ADK: variants seen among roughly 807,000 people sequenced by gnomAD.
ADK encodes the protein N6,N6-dimethyladenosine kinase.
Under a neutral mutation model 44.7 loss-of-function variants are expected in ADK, and 24 were observed. That is an observed-to-expected ratio of 0.54 (90% CI 0.39 to 0.76). ADK has a LOEUF of 0.76. Among genes scored for constraint, ADK ranks in the 30% least tolerant of loss-of-function variants. The pLI is 0.00. For missense variants in ADK, 321 were observed against 425.1 expected, an observed-to-expected ratio of 0.76 and a Z score of 2.15; for synonymous variants, 128 against 142.6, an observed-to-expected ratio of 0.90 and a Z score of 0.73.
chr10:74,236,081 G>A (rs1263223462), intron 3 of ADK, among the ~76,000 whole-genome samples: 7 of 152,144 alleles, frequency 4.6e-5, no homozygotes, highest in African/African-American at 1.7e-4. Context: ...AAAAGCCGTA[G>A]CAATCAAACT....
At chr10:74,349,897 A>T (rs1441825457) in intron 4 of ADK, among the ~76,000 whole-genome samples, 1 of 152,226 alleles carries the variant, frequency 6.6e-6, no homozygotes, top group Non-Finnish European at 1.5e-5. Context: ...CTACAGGAGC[A>T]CCCAGATTCA....
At chr10:74,472,723 C>T (rs1432782643) in intron 6 of ADK, among the ~76,000 whole-genome samples, 1 of 152,098 alleles carries the variant, frequency 6.6e-6, no homozygotes, top group African/African-American at 2.4e-5. Flanking sequence ...CTCATATAGC[C>T]AAATAGGGGT....
At chr10:74,464,711 A>G (rs1413959327) in intron 6 of ADK, among the ~76,000 whole-genome samples, 1 of 152,192 alleles carries the variant, frequency 6.6e-6, no homozygotes, top group African/African-American at 2.4e-5. Flanking sequence ...GGCCAGGCAC[A>G]GTGGCTGATG....
In ADK at chr10:74,472,901, G is replaced by A. The variant is rs141719891; in HGVS notation, c.556-52355G>A. 2.2e-3 allele frequency among the ~76,000 whole-genome samples: 342 copies of A among 152,154 alleles called. 2 individuals carry two copies. The highest frequency in any genetic ancestry group is 0.012 in the South Asian group (60 of 4,820). On this transcript the variant is annotated intron_variant, in intron 6 of 10. Transcript: ENST00000539909. ...GCTATTTTTAGATGTCATAATTTTA[G>A]CCAATACTAATGGGTATTTATTGAT...
At chr10:74,707,536 G>T (rs1469661664) in intron 10 of ADK, among the ~76,000 whole-genome samples, 1 of 152,112 alleles carries the variant, frequency 6.6e-6, no homozygotes, top group African/African-American at 2.4e-5. Flanking sequence ...GCCAAGGCAG[G>T]CGGATCACCT....
At chr10:74,559,089 C>T (rs897782656) in intron 7 of ADK, among the ~76,000 whole-genome samples, 7 of 152,372 alleles carry the variant, frequency 4.6e-5, no homozygotes, top group Middle Eastern at 3.4e-3. Flanking sequence ...CTTCTTCCCT[C>T]TCAGGCCTGC....
chr10:74,563,337 C>T (rs974603445), intron 7 of ADK, among the ~76,000 whole-genome samples: 1 of 152,182 alleles, frequency 6.6e-6, no homozygotes, highest in Non-Finnish European at 1.5e-5. Context: ...GTGTTACTCA[C>T]CCATCTTACT....
intron 6 of ADK, among the ~76,000 whole-genome samples, chr10:74,469,553 G>A (rs1403369977): frequency 6.6e-6 from 1 of 151,984 alleles, no homozygotes; most frequent in Admixed American, 6.6e-5. Context: ...TTGTAGAGCT[G>A]GGGTTTTGCC....
intron 3 of ADK, among the ~76,000 whole-genome samples, chr10:74,262,533 T>A (rs569547331): frequency 2.0e-5 from 3 of 152,168 alleles, no homozygotes; most frequent in Non-Finnish European, 4.4e-5. Context: ...AATATTGAGT[T>A]AGAATGGCTT....
chr10:74,524,852 G>A (rs1367163837), intron 6 of ADK, among the ~76,000 whole-genome samples: 2 of 152,192 alleles, frequency 1.3e-5, no homozygotes, highest in African/African-American at 4.8e-5. Flanking sequence ...GGGCAATATA[G>A]TGAAACCTTA....
intron 10 of ADK, among the ~76,000 whole-genome samples, chr10:74,691,963 A>C (rs866350262): frequency 4.6e-5 from 7 of 152,180 alleles, no homozygotes; most frequent in Admixed American, 2.0e-4. Flanking sequence ...CAATTTGGCA[A>C]TCTCTTACAA....
At chr10:74,267,377 T>C in intron 3 of ADK, among the ~76,000 whole-genome samples, 1 of 152,178 alleles carries the variant, frequency 6.6e-6, no homozygotes, top group Admixed American at 6.5e-5. Context: ...TTAGTATGTG[T>C]GCATTTTGGT....
Position 74,553,190 on chromosome 10 carries a change from G to GTTTTTTTTTT in ADK, c.726+27784_726+27793dup, listed in dbSNP as rs386371837. Among the ~76,000 whole-genome samples the GTTTTTTTTTT allele has an allele frequency of 1.2e-4, 7 of 60,438 alleles. 1 individual carries two copies. Among genetic ancestry groups the GTTTTTTTTTT allele is most frequent in the Non-Finnish European group, 1.5e-4 (5 of 33,810 alleles). 39.6% of individuals were successfully genotyped at this position (60,438 alleles called of 152,430 possible). A position where few individuals can be genotyped will look rare whatever the true frequency, so the allele number is the denominator to read the frequency against. ...ACAAGACAATTTTTCAGCACATTGTGTTTTTTTTTTTTTTTTTTTTTTTTT... is the reference window on the plus strand; with the variant it reads ...ACAAGACAATTTTTCAGCACATTGTGTTTTTTTTTTTTTTTTTTTTTTTTTTTTTTTTTTT... On this transcript the variant is annotated intron_variant, in intron 7 of 10. Transcript: ENST00000539909.
In ADK at chr10:74,532,709, T is replaced by C. The variant is rs1849330308; in HGVS notation, c.726+7283T>C. Reference sequence around the variant, plus strand: ...TGAGGTCAAGAGTTCTAGACCAGTGTGGCCAACATGGCAAAACCGCGTCTC... The same window carrying C: ...TGAGGTCAAGAGTTCTAGACCAGTGCGGCCAACATGGCAAAACCGCGTCTC... On this transcript the variant is annotated intron_variant, in intron 7 of 10. Coordinates refer to ENST00000539909, the MANE Select transcript of ADK (RefSeq NM_006721.4). Among the ~76,000 whole-genome samples the C allele has an allele frequency of 3.3e-5, 5 of 152,010 alleles. No homozygotes were observed. The South Asian group carries it at 1.0e-3, about 32-fold the overall frequency.
intron 6 of ADK, among the ~76,000 whole-genome samples, chr10:74,456,052 A>G (rs995840991): frequency 3.3e-5 from 5 of 152,054 alleles, no homozygotes; most frequent in African/African-American, 1.2e-4. Flanking sequence ...GTTCTTAGAG[A>G]CCTACAAAGA....
At chr10:74,527,929 C>G in intron 7 of ADK, 1 of 780,390 alleles carries the variant, frequency 1.3e-6, no homozygotes, top group Non-Finnish European at 2.3e-6. Context: ...TAGGTTTCTT[C>G]GACTTCATTG....
At position 74,680,265 on chromosome 10, in the gene ADK, A is replaced by T. The variant is rs974865501; in HGVS notation, c.964+9996A>T. On this transcript the variant is annotated intron_variant, in intron 10 of 10. Coordinates refer to ENST00000539909, the MANE Select transcript of ADK (RefSeq NM_006721.4). ...GGGAGGCAGAGCTTGCAGTGAGCCG[A>T]GATCGCACCACTGCACTCCAGCCTG... Among the ~76,000 whole-genome samples the T allele has an allele frequency of 3.4e-5, 5 of 148,134 alleles. No individual in the cohort carries two copies. The Admixed American group carries it at 3.4e-4, about 10-fold the overall frequency.
At chr10:74,451,067 CTTTTTTTTTTTT>C (rs35120068) in intron 6 of ADK, among the ~76,000 whole-genome samples, 3 of 72,166 alleles carry the variant, frequency 4.2e-5, no homozygotes, top group Admixed American at 1.7e-4. Flanking sequence ...GCTCTGCTGC[CTTTTTTTTTTTT>C]TTTTTTTTTT....
chr10:74,471,685 A>C (rs1846596800), intron 6 of ADK, among the ~76,000 whole-genome samples: 1 of 152,062 alleles, frequency 6.6e-6, no homozygotes, highest in African/African-American at 2.4e-5. Flanking sequence ...AATTTCTTTC[A>C]TCAATGTTTT....
Sources: allele counts gnomAD v4.1 joint callset (sites outside exome capture counted in the v4.1 genomes callset), GRCh38; gene constraint gnomAD v4.1.1; transcripts MANE v1.5; gene names NCBI Gene and HGNC (gene_info 2026-07-23, HGNC 2026-07-21).